SOX5: variants seen among roughly 807,000 people sequenced by gnomAD.
The protein encoded by SOX5 is transcription factor SOX-5.
SOX5 carries 9 observed loss-of-function variants against 92.0 expected under a neutral mutation model. The ratio of observed to expected loss-of-function variants is 0.10; its 90% CI spans 0.06 to 0.17. The LOEUF (loss-of-function observed/expected upper bound fraction) is 0.17, where lower values mean the gene tolerates loss of function less well. SOX5 is among the 10% of genes least tolerant of loss of function. The pLI is 1.00. For missense variants in SOX5, 642 were observed against 944.5 expected (o/e 0.68, Z 4.20); for synonymous variants, 344 against 336.3 (o/e 1.02, Z -0.25).
intron 4 of SOX5, among the ~76,000 whole-genome samples, chr12:24,198,537 AC>A (rs1394894839): frequency 6.6e-6 from 1 of 152,224 alleles, no homozygotes; most frequent in Non-Finnish European, 1.5e-5. Context: ...TGTCACGTCT[AC>A]TTGCCACTGA....
At chr12:24,055,066 G>T (rs1418272780) in intron 4 of SOX5, among the ~76,000 whole-genome samples, 1 of 152,050 alleles carries the variant, frequency 6.6e-6, no homozygotes, top group African/African-American at 2.4e-5. Flanking sequence ...AAAAAAAAAT[G>T]AGGATAAAAA....
At chr12:23,813,364 A>G (rs2095913981) in intron 3 of SOX5, among the ~76,000 whole-genome samples, 1 of 152,032 alleles carries the variant, frequency 6.6e-6, no homozygotes, top group African/African-American at 2.4e-5. Context: ...ACATAACTAA[A>G]CCAGCAGCCA....
chr12:23,954,453 C>CAA (rs200770197), upstream of SOX5, among the ~76,000 whole-genome samples: 46 of 149,448 alleles, frequency 3.1e-4, no homozygotes, highest in East Asian at 1.8e-3. Context: ...CTTCCTCTTT[C>CAA]AAAAAAAAAG....
chr12:24,455,581 C>T (rs1185203459), intron 1 of SOX5, among the ~76,000 whole-genome samples: 1 of 152,166 alleles, frequency 6.6e-6, no homozygotes, highest in African/African-American at 2.4e-5. Context: ...ATTCATGGAG[C>T]CCACGCTCAA....
intron 4 of SOX5, among the ~76,000 whole-genome samples, chr12:24,127,064 T>C (rs1949174542): frequency 6.6e-6 from 1 of 151,936 alleles, no homozygotes; most frequent in Non-Finnish European, 1.5e-5. Flanking sequence ...ATAAATGTCA[T>C]AATACTTCCA....
At chr12:23,755,583 T>G (rs2094341137) in intron 4 of SOX5, 55 bp downstream of exon 4, 1 of 1,266,726 alleles carries the variant, frequency 7.9e-7, no homozygotes, top group African/African-American at 1.5e-5. Flanking sequence ...TTACTATTTC[T>G]GAATATCAAC....
intron 1 of SOX5, among the ~76,000 whole-genome samples, chr12:24,477,676 G>A (rs1945545817): frequency 6.6e-6 from 1 of 151,972 alleles, no homozygotes; most frequent in Admixed American, 6.6e-5. Flanking sequence ...CAAGTCTTCT[G>A]GGTTTCAGCT....
chr12:24,002,187 A>G (rs1221378950), intron 4 of SOX5, among the ~76,000 whole-genome samples: 2 of 152,160 alleles, frequency 1.3e-5, no homozygotes, highest in Non-Finnish European at 2.9e-5. Context: ...AGAAGAAGGC[A>G]GGAAATAAGA....
chr12:24,211,059 C>T (rs571951248), intron 4 of SOX5, among the ~76,000 whole-genome samples: 41 of 152,242 alleles, frequency 2.7e-4, no homozygotes, highest in Admixed American at 1.6e-3. Flanking sequence ...CCCTCCATAG[C>T]GTCATCTCTC....
rs556203404 is a variant in SOX5 at position 24,313,718 on chromosome 12, A to G, written c.-173-36406T>C. Among the ~76,000 whole-genome samples the G allele has an allele frequency of 4.6e-5, 7 of 152,258 alleles. No individual in the cohort carries two copies. In the South Asian group the frequency reaches 1.4e-3, roughly 32 times the overall value. ...GCTTCAGGGTTTAGCCCTCGTATTC[A>G]TATTCATACGCTCTCTTTCTTTCCA... On this transcript the variant is annotated intron_variant, in intron 2 of 4. Transcript: ENST00000446891.
chr12:24,002,552 T>C (rs1221589186), intron 4 of SOX5, among the ~76,000 whole-genome samples: 6 of 132,866 alleles, frequency 4.5e-5, no homozygotes, highest in Non-Finnish European at 7.9e-5. Flanking sequence ...CCCAGAATTA[T>C]TTTAAAAATT....
intron 4 of SOX5, among the ~76,000 whole-genome samples, chr12:24,118,065 C>CAG (rs1042234344): frequency 1.6e-5 from 2 of 125,268 alleles, no homozygotes; most frequent in Admixed American, 1.6e-4. Flanking sequence ...CTCACAGAAA[C>CAG]AGAGAGTAGA....
At chr12:24,218,115 T>C (rs1054820407) in intron 3 of SOX5, among the ~76,000 whole-genome samples, 2 of 152,224 alleles carry the variant, frequency 1.3e-5, no homozygotes, top group African/African-American at 4.8e-5. Flanking sequence ...CCAGCCATTC[T>C]ACTCCTAAGT....
chr12:23,880,773 C>T (rs1329875328), intron 2 of SOX5, among the ~76,000 whole-genome samples: 2 of 152,164 alleles, frequency 1.3e-5, no homozygotes, highest in Non-Finnish European at 2.9e-5. Flanking sequence ...TAGAGATCAT[C>T]ACCAAGCAAA....
Position 24,376,689 on chromosome 12 carries a change from C to CTT in SOX5, c.-250-8051_-250-8050insAA, listed in dbSNP as rs1480014070. On this transcript the variant is annotated intron_variant, in intron 1 of 4. Coordinates refer to the SOX5 transcript ENST00000446891. ...TCAGAATGATGCTATGGGAGAGATA[C>CTT]CTTTTTTTTTTTTTTTTTTTTTTTT... Among the ~76,000 whole-genome samples the CTT allele has an allele frequency of 4.7e-4, 44 of 93,110 alleles. 3 individuals carry two copies. Among genetic ancestry groups the CTT allele is most frequent in the Middle Eastern group, 7.6e-3 (1 of 132 alleles). The allele number at this position is 93,110 out of a possible 152,430, so 61.1% of individuals were successfully genotyped here.
chr12:23,872,164 A>ATTTTTTTTTTTTTTTTTTTTTT (rs71059938), intron 2 of SOX5, among the ~76,000 whole-genome samples: 7 of 61,648 alleles, frequency 1.1e-4, no homozygotes, highest in Non-Finnish European at 1.9e-4. Context: ...CGCCCGGCTA[A>ATTTTTTTTTTTTTTTTTTTTTT]TTTTTTTTTT....
chr12:24,354,865 A>C (rs1954599591), intron 2 of SOX5, among the ~76,000 whole-genome samples: 1 of 152,192 alleles, frequency 6.6e-6, no homozygotes, highest in Non-Finnish European at 1.5e-5. Flanking sequence ...TGGTATCATG[A>C]AATAAGAGGC....
intron 1 of SOX5, among the ~76,000 whole-genome samples, chr12:24,420,310 A>G (rs1340432005): frequency 6.6e-6 from 1 of 152,218 alleles, no homozygotes; most frequent in African/African-American, 2.4e-5. Flanking sequence ...GGCTATGTAC[A>G]GATGAGCTTA....
rs139695814 is a variant in SOX5 at position 23,979,089 on chromosome 12, T to C, written c.-1-83065A>G. Among the ~76,000 whole-genome samples, 444 of 152,300 alleles carry C rather than the reference T, an allele frequency of 2.9e-3. 3 individuals carry two copies. Among genetic ancestry groups the C allele is most frequent in the African/African-American group, 0.01 (417 of 41,586 alleles). On this transcript the variant is annotated intron_variant, in intron 4 of 4. Transcript: ENST00000446891. ...CTTTTCTTCACCTCTCCTCCTCACT[T>C]ACCTCAAACAACCATTAGGTATAAT...
Sources: gnomAD v4.1 joint callset for allele counts (sites outside exome capture counted in the v4.1 genomes callset) on GRCh38, gnomAD v4.1.1 for gene constraint, MANE v1.5 for transcripts, NCBI Gene and HGNC (gene_info 2026-07-23, HGNC 2026-07-21) for gene names.